EFCAB5: variants seen among roughly 807,000 people sequenced by gnomAD.
The protein encoded by EFCAB5 is EF-hand calcium binding domain 5.
Under a neutral mutation model 167.9 loss-of-function variants are expected in EFCAB5, and 131 were observed. That is an observed-to-expected ratio of 0.78 (90% CI 0.68 to 0.90). EFCAB5 has a LOEUF of 0.90. EFCAB5 is among the 40% of genes least tolerant of loss of function. EFCAB5 has a pLI of 0.00. For synonymous variants in EFCAB5, 574 were observed against 602.8 expected, an observed-to-expected ratio of 0.95 and a Z score of 0.70; for missense variants, 1,663 against 1,745.2, an observed-to-expected ratio of 0.95 and a Z score of 0.84.
At chr17:29,968,690 G>A in intron 3 of EFCAB5, 101 bp from the exon 4 acceptor site, 1 of 933,666 alleles carries the variant, frequency 1.1e-6, no homozygotes, top group East Asian at 2.8e-5. Context: ...CCAATCCACT[G>A]TGTAAATGGA....
chr17:29,948,923 C>T (rs1156371493), intron 3 of EFCAB5, among the ~76,000 whole-genome samples: 2 of 151,902 alleles, frequency 1.3e-5, no homozygotes. Context: ...ACTTCTTTAC[C>T]TCCTTCCTTT....
At chr17:29,990,496 T>C (rs2068391073) in intron 4 of EFCAB5, among the ~76,000 whole-genome samples, 1 of 152,210 alleles carries the variant, frequency 6.6e-6, no homozygotes, top group African/African-American at 2.4e-5. Flanking sequence ...TTCCCCATTG[T>C]AATCTGAATC....
At chr17:30,023,227 T>G (rs1251251302) in intron 7 of EFCAB5, among the ~76,000 whole-genome samples, 1 of 151,928 alleles carries the variant, frequency 6.6e-6, no homozygotes, top group South Asian at 2.1e-4. Flanking sequence ...CTTCAAAAAA[T>G]TAATGAATCC....
At chr17:30,032,893 C>T (rs1016280595) in intron 7 of EFCAB5, among the ~76,000 whole-genome samples, 4 of 152,166 alleles carry the variant, frequency 2.6e-5, no homozygotes, top group Non-Finnish European at 5.9e-5. Flanking sequence ...CAAATTCAGG[C>T]CCACTCAGAT....
chr17:30,107,967 C>A lies in EFCAB5; in HGVS notation c.4455C>A (p.Ser1485=), dbSNP rs1235751101. ...LNSGITPPLP[S]KTDNYMYAKM... The stretch of plus-strand genomic sequence containing the variant: ...GTGGTATTACACCTCCGTTGCCCTC[C>A]AAGACTGACAATTATATGTATGCAA... Residue 1485 remains serine (S), a synonymous_variant, in exon 23 of 23, where the codon TCC becomes TCA. Transcript: ENST00000394835. The A allele has an allele frequency of 1.2e-6, 2 of 1,609,390 alleles. No individual in the cohort carries two copies. The highest frequency in any genetic ancestry group is 2.2e-5 in the South Asian group (2 of 89,774).
intron 8 of EFCAB5, among the ~76,000 whole-genome samples, chr17:30,038,478 G>C (rs1410718416): frequency 1.3e-5 from 2 of 152,184 alleles, no homozygotes; most frequent in Non-Finnish European, 2.9e-5. Context: ...GGTTAACCAA[G>C]AGCTCTGATG....
chr17:29,953,021 G>A (rs773720723), intron 3 of EFCAB5, among the ~76,000 whole-genome samples: 66 of 152,044 alleles, frequency 4.3e-4, no homozygotes, highest in Non-Finnish European at 2.8e-4. Context: ...GTTAAAAATA[G>A]CGAGTTTACC....
intron 7 of EFCAB5, among the ~76,000 whole-genome samples, chr17:30,006,195 T>G (rs937767171): frequency 6.6e-6 from 1 of 152,354 alleles, no homozygotes; most frequent in East Asian, 1.9e-4. Context: ...CAGAATAAAC[T>G]TCTTTAAAAT....
chr17:29,941,936 T>G, intron 1 of EFCAB5, 98 bp downstream of exon 1: 1 of 1,258,992 alleles, frequency 7.9e-7, no homozygotes, highest in South Asian at 1.4e-5. Context: ...ATCATTTAAT[T>G]ATTTCTCTTT....
At chr17:29,997,454 T>G (rs1273215900) in intron 6 of EFCAB5, among the ~76,000 whole-genome samples, 1 of 151,870 alleles carries the variant, frequency 6.6e-6, no homozygotes, top group Non-Finnish European at 1.5e-5. Context: ...TGAATATATA[T>G]ATATATATAG....
At chr17:30,044,698 C>T (rs570972004) in intron 8 of EFCAB5, among the ~76,000 whole-genome samples, 1 of 152,236 alleles carries the variant, frequency 6.6e-6, no homozygotes, top group South Asian at 2.1e-4. Flanking sequence ...AATGATACAA[C>T]CACTTCAAAA....
Position 30,090,547 on chromosome 17 carries a change from C to A in EFCAB5, c.3810C>A (p.Ile1270=). The part of the protein sequence containing the change: ...GEALGVLDFN[I]GQNRMLLCQE... The stretch of plus-strand genomic sequence containing the variant: ...CTCTGGGAGTCCTCGATTTTAACAT[C>A]GGCCAAAATAGGATGTTGTTGTGTC... The change falls in exon 20 of 23, where the codon ATC becomes ATA. Residue 1270 remains isoleucine, a synonymous_variant. Transcript: ENST00000394835. 6.2e-7 allele frequency: 1 copy of A among 1,613,844 alleles called. No individual in the cohort carries two copies. The highest frequency in any genetic ancestry group is 8.5e-7 in the Non-Finnish European group (1 of 1,179,866).
chr17:30,041,550 G>T (rs543538442), intron 8 of EFCAB5, among the ~76,000 whole-genome samples: 2 of 152,318 alleles, frequency 1.3e-5, no homozygotes, highest in South Asian at 4.1e-4. Flanking sequence ...CATTAGCATT[G>T]TTGAAATGAC....
intron 19 of EFCAB5, among the ~76,000 whole-genome samples, chr17:30,089,959 T>C (rs2151846683): frequency 6.6e-6 from 1 of 152,276 alleles, no homozygotes; most frequent in South Asian, 2.1e-4. Flanking sequence ...CTTCATTCAG[T>C]CCCTCACAGG....
chr17:30,037,126 A>C (rs1479904524), intron 8 of EFCAB5, among the ~76,000 whole-genome samples: 1 of 152,216 alleles, frequency 6.6e-6, no homozygotes, highest in African/African-American at 2.4e-5. Flanking sequence ...TTCATAGAGA[A>C]GTGCTAAATC....
intron 3 of EFCAB5, among the ~76,000 whole-genome samples, chr17:29,948,219 T>C (rs1265090395): frequency 6.6e-6 from 1 of 152,230 alleles, no homozygotes; most frequent in African/African-American, 2.4e-5. Context: ...AATTAGTTTG[T>C]GGCCATATTT....
At chr17:30,030,762 A>G (rs1027039209) in intron 7 of EFCAB5, among the ~76,000 whole-genome samples, 3 of 151,480 alleles carry the variant, frequency 2.0e-5, no homozygotes, top group Admixed American at 2.0e-4. Context: ...GGTTCAAGTG[A>G]TCCTCCCACC....
chr17:30,011,689 G>A (rs886688167), intron 7 of EFCAB5, among the ~76,000 whole-genome samples: 2 of 152,132 alleles, frequency 1.3e-5, no homozygotes, highest in African/African-American at 4.8e-5. Context: ...TTGGTTATCA[G>A]CTTAAGGAGA....
intron 14 of EFCAB5, among the ~76,000 whole-genome samples, chr17:30,072,396 C>T (rs1351921563): frequency 6.6e-6 from 1 of 152,108 alleles, no homozygotes; most frequent in African/African-American, 2.4e-5. Flanking sequence ...CACAAAGTTA[C>T]AGAAACCATG....
Sources: allele counts gnomAD v4.1 joint callset (sites outside exome capture counted in the v4.1 genomes callset), GRCh38; gene constraint gnomAD v4.1.1; transcripts MANE v1.5; gene names NCBI Gene and HGNC (gene_info 2026-07-23, HGNC 2026-07-21).